The following ADARB1 variants were observed in gnomAD, a reference collection of about 807,000 sequenced individuals.
The protein encoded by ADARB1 is adenosine deaminase RNA specific B1, also known as double-stranded RNA-specific editase 1.
A neutral mutation model predicts 52.4 loss-of-function variants in ADARB1; 10 were observed. The observed-to-expected ratio is 0.19, with a 90% confidence interval of 0.12 to 0.32. ADARB1 has a LOEUF of 0.32. Among genes scored for constraint, ADARB1 ranks in the 10% least tolerant of loss-of-function variants. The probability of loss-of-function intolerance (pLI) is 1.00; values close to 1 mark genes in which losing one functional copy is unlikely to be tolerated. For synonymous variants in ADARB1, 349 were observed against 371.1 expected (o/e 0.94, Z 0.68); for missense variants, 643 against 922.3 (o/e 0.70, Z 3.92).
chr21:45,120,483 C>A (rs975286552), intron 1 of ADARB1, among the ~76,000 whole-genome samples: 2 of 152,206 alleles, frequency 1.3e-5, no homozygotes, highest in Admixed American at 1.3e-4. Context: ...CCGTCTCCTC[C>A]TGGCACTCGC....
chr21:45,083,826 A>G (rs1485889818), intron 1 of ADARB1, among the ~76,000 whole-genome samples: 2 of 152,150 alleles, frequency 1.3e-5, no homozygotes, highest in African/African-American at 4.8e-5. Flanking sequence ...TCAGCCTCCC[A>G]GGTAGCTGGG....
intron 1 of ADARB1, among the ~76,000 whole-genome samples, chr21:45,097,341 G>C (rs2086807179): frequency 6.6e-6 from 1 of 152,174 alleles, no homozygotes; most frequent in African/African-American, 2.4e-5. Context: ...CTACTGGATT[G>C]GTGCTCACTC....
intron 2 of ADARB1, among the ~76,000 whole-genome samples, chr21:45,166,024 C>T (rs752800557): frequency 1.3e-5 from 2 of 151,960 alleles, no homozygotes; most frequent in Non-Finnish European, 2.9e-5. Context: ...TTAGTGGACT[C>T]CTAAAGATGA....
chr21:45,159,789 C>T (rs1044332553), intron 2 of ADARB1, among the ~76,000 whole-genome samples: 2 of 152,174 alleles, frequency 1.3e-5, no homozygotes, highest in African/African-American at 4.8e-5. Flanking sequence ...GCCAAGGGGG[C>T]TGCTCCCCAT....
intron 1 of ADARB1, chr21:45,100,610 T>A (rs1356923572): frequency 6.6e-6 from 1 of 152,286 alleles, no homozygotes; most frequent in Non-Finnish European, 1.5e-5. Context: ...GGATGTGGCA[T>A]CTCCATTGAG....
chr21:45,206,635 G>T (rs980008079), intron 9 of ADARB1, among the ~76,000 whole-genome samples: 1 of 139,544 alleles, frequency 7.2e-6, no homozygotes, highest in Non-Finnish European at 1.5e-5. Context: ...GTGCAGTGGC[G>T]TGATCTTGGC....
chr21:45,146,039 G>A lies in ADARB1; in HGVS notation c.-48+17466G>A, dbSNP rs968855518. 7 of 151,342 alleles carry A rather than the reference G, an allele frequency of 4.6e-5. No homozygotes were observed. The East Asian group carries it at 7.8e-4, about 17-fold the overall frequency. 9.4% of individuals were successfully genotyped at this position (151,342 alleles called of 1,614,324 possible). ...TTGTCACTGCCTGTGGTGGGGTTAC[G>A]GTTTCGGACTCACCTGATCCGTTCT... On this transcript the variant is annotated intron_variant, in intron 2 of 10. Coordinates refer to ENST00000348831, the MANE Select transcript of ADARB1 (RefSeq NM_001112.4).
chr21:45,091,798 A>G (rs2086570034), intron 1 of ADARB1, among the ~76,000 whole-genome samples: 1 of 152,176 alleles, frequency 6.6e-6, no homozygotes, highest in Non-Finnish European at 1.5e-5. Context: ...GAGGAGCTGG[A>G]AGACTCCAGA....
rs182941511 is a variant in ADARB1, at chr21:45,096,044, G to C, written c.-220+21251G>C. On this transcript the variant is annotated intron_variant, in intron 1 of 10. Transcript: ENST00000348831. ...GATACAGGCTCTGTTTTAGATAAAAGCAACTGGAGAAAGTGGCTGACTGGC... is the reference window on the plus strand; with the variant it reads ...GATACAGGCTCTGTTTTAGATAAAACCAACTGGAGAAAGTGGCTGACTGGC... Among the ~76,000 whole-genome samples, 180 of 152,346 alleles carry C rather than the reference G, an allele frequency of 1.2e-3. No homozygotes were observed. The East Asian group carries it at 0.026, about 22-fold the overall frequency.
chr21:45,150,640 T>A (rs963289898), intron 2 of ADARB1, among the ~76,000 whole-genome samples: 3 of 152,348 alleles, frequency 2.0e-5, no homozygotes, highest in Admixed American at 1.3e-4. Context: ...GGGGTTCCAG[T>A]GCCAGAGTGG....
intron 1 of ADARB1, among the ~76,000 whole-genome samples, chr21:45,115,925 TC>T (rs1212179842): frequency 3.3e-5 from 5 of 152,308 alleles, no homozygotes; most frequent in Middle Eastern, 6.8e-3. Flanking sequence ...GGGTATTTCT[TC>T]CCCCTGCAAA....
chr21:45,122,201 GT>G (rs1485087568), intron 1 of ADARB1, among the ~76,000 whole-genome samples: 1 of 152,202 alleles, frequency 6.6e-6, no homozygotes, highest in Non-Finnish European at 1.5e-5. Flanking sequence ...AGAGTACTTA[GT>G]TTTTGGCAGA....
intron 2 of ADARB1, among the ~76,000 whole-genome samples, chr21:45,162,102 T>TGAGGAGAGGAGGAGAG (rs2091002063): frequency 6.6e-6 from 1 of 151,774 alleles, no homozygotes; most frequent in Admixed American, 6.6e-5. Flanking sequence ...TTGCAGGCAA[T>TGAGGAGAGGAGGAGAG]GAGGAGAGGA....
chr21:45,122,676 T>TC (rs1230865135), intron 1 of ADARB1, among the ~76,000 whole-genome samples: 1 of 152,058 alleles, frequency 6.6e-6, no homozygotes, highest in Non-Finnish European at 1.5e-5. Context: ...TACTTCCCTT[T>TC]CCCCATCCAC....
rs377132681 is a variant in ADARB1 at position 45,208,337 on chromosome 21, G to A, written c.1747+3601G>A. 1.3e-3 allele frequency among the ~76,000 whole-genome samples: 196 copies of A among 152,312 alleles called. No individual in the cohort carries two copies. The highest frequency in any genetic ancestry group is 4.5e-3 in the African/African-American group (188 of 41,560). ...TATCCTGCTGGTTTTCATGTTGAAT[G>A]TTGGCACGAAACGTTAACAAACAAG... On this transcript the variant is annotated intron_variant, in intron 9 of 10. Transcript: ENST00000348831. The surrounding 1 kb of genome is among the most constrained non-coding windows in gnomAD (Gnocchi z 5.6).
intron 8 of ADARB1, among the ~76,000 whole-genome samples, chr21:45,196,085 C>T (rs575913187): frequency 1.4e-4 from 22 of 152,212 alleles, no homozygotes; most frequent in African/African-American, 5.3e-4. Context: ...TATAGTTTTA[C>T]TTATACAGAT....
chr21:45,222,470 C>CT lies in ADARB1; in HGVS notation c.*276dup. On this transcript the variant is annotated 3_prime_UTR_variant, in exon 11 of 11. Coordinates refer to ENST00000348831, the MANE Select transcript of ADARB1 (RefSeq NM_001112.4). ...CCCCTTCTGAACCGTCCAGTGACTG[C>CT]TTTCAATCTCGGTTTACGTTTAGAA... The CT allele has an allele frequency of 8.2e-7, 1 of 1,216,698 alleles. No individual in the cohort carries two copies. The highest frequency in any genetic ancestry group is 1.0e-6 in the Non-Finnish European group (1 of 977,542). 75.4% of individuals were successfully genotyped at this position (1,216,698 alleles called of 1,614,324 possible). A position where few individuals can be genotyped will look rare whatever the true frequency, so the allele number is the denominator to read the frequency against.
intron 2 of ADARB1, chr21:45,132,207 G>C (rs895502731): frequency 3.3e-5 from 5 of 152,252 alleles, no homozygotes; most frequent in Non-Finnish European, 5.9e-5. Flanking sequence ...CATGACCCCT[G>C]TCACCAGGAA....
intron 2 of ADARB1, among the ~76,000 whole-genome samples, chr21:45,148,433 G>C (rs1569070114): frequency 6.6e-6 from 1 of 152,236 alleles, no homozygotes; most frequent in Non-Finnish European, 1.5e-5. Flanking sequence ...GCTCCCACCT[G>C]ATGACACTGA....
Sources: allele counts gnomAD v4.1 joint callset (sites outside exome capture counted in the v4.1 genomes callset), GRCh38; gene constraint gnomAD v4.1.1; non-coding constraint Gnocchi (gnomAD v3.1); transcripts MANE v1.5; gene names NCBI Gene and HGNC (gene_info 2026-07-23, HGNC 2026-07-21).